Variants in TENM2 observed in about 807,000 individuals in gnomAD.
TENM2 encodes the protein teneurin transmembrane protein 2, also known as teneurin-2.
A neutral mutation model predicts 245.2 loss-of-function variants in TENM2; 52 were observed. That is an observed-to-expected ratio of 0.21 (90% CI 0.17 to 0.27). The LOEUF (loss-of-function observed/expected upper bound fraction) is 0.27, where lower values mean the gene tolerates loss of function less well. TENM2 is among the 10% of genes least tolerant of loss of function. TENM2 has a pLI of 1.00. For synonymous variants in TENM2, 1,363 were observed against 1,438.9 expected, an observed-to-expected ratio of 0.95 and a Z score of 1.19; for missense variants, 3,046 against 3,666.8, an observed-to-expected ratio of 0.83 and a Z score of 4.37.
the TENM2 span, among the ~76,000 whole-genome samples, chr5:167,135,603 C>T: frequency 3.9e-5 from 6 of 152,134 alleles, no homozygotes; most frequent in Admixed American, 1.3e-4. Context: ...CGTGAAACAC[C>T]GTCTCTACTA....
intron 19 of TENM2, among the ~76,000 whole-genome samples, chr5:168,208,457 G>C (rs1200079699): frequency 6.6e-6 from 1 of 152,226 alleles, no homozygotes; most frequent in Non-Finnish European, 1.5e-5. Context: ...ACCGGGCGGG[G>C]GGAAAGTGGG....
chr5:168,182,252 A>G (rs933079365), intron 13 of TENM2, among the ~76,000 whole-genome samples: 5 of 152,196 alleles, frequency 3.3e-5, no homozygotes, highest in Admixed American at 1.3e-4. Context: ...AATACTTTCA[A>G]TTATCCTCAC....
intron 2 of TENM2, among the ~76,000 whole-genome samples, chr5:167,740,252 G>C (rs1470919388): frequency 6.6e-6 from 1 of 152,074 alleles, no homozygotes; most frequent in Non-Finnish European, 1.5e-5. Flanking sequence ...CATTTACCCA[G>C]TCACATCGGG....
intron 12 of TENM2, among the ~76,000 whole-genome samples, chr5:168,148,873 TGATAGATAGATA>T (rs752440206): frequency 9.7e-4 from 140 of 144,030 alleles, no homozygotes; most frequent in African/African-American, 1.8e-3. Context: ...TAAATATATA[TGATAGATAGATA>T]GATAGATAGA....
chr5:168,158,829 G>GTGTATATATATATATATATATA (rs1397260649), intron 12 of TENM2, among the ~76,000 whole-genome samples: 1 of 63,738 alleles, frequency 1.6e-5, no homozygotes, highest in Non-Finnish European at 3.0e-5. Context: ...GTGTGTGTGT[G>GTGTATATATATATATATATATA]TATATATATA....
intron 2 of TENM2, among the ~76,000 whole-genome samples, chr5:167,767,941 ATTGCTGTTGACATG>A (rs1313728543): frequency 6.6e-6 from 1 of 152,192 alleles, no homozygotes; most frequent in Non-Finnish European, 1.5e-5. Flanking sequence ...TATGGGAGCT[ATTGCTGTTGACATG>A]TGAATATTTG....
At chr5:167,535,251 CT>C (rs1472880697) in intron 2 of TENM2, among the ~76,000 whole-genome samples, 1 of 151,900 alleles carries the variant, frequency 6.6e-6, no homozygotes, top group African/African-American at 2.4e-5. Context: ...GTTAGAGATA[CT>C]CAAGCTCCCC....
chr5:167,005,443 C>T, the TENM2 span, among the ~76,000 whole-genome samples: 1 of 152,088 alleles, frequency 6.6e-6, no homozygotes, highest in African/African-American at 2.4e-5. Flanking sequence ...TTTCCACCAT[C>T]TTGGACTTTC....
At chr5:167,940,889 T>C (rs1779122994) in intron 3 of TENM2, among the ~76,000 whole-genome samples, 1 of 152,198 alleles carries the variant, frequency 6.6e-6, no homozygotes, top group African/African-American at 2.4e-5. Flanking sequence ...TATCATCTTA[T>C]CGAGAAGCCT....
At chr5:168,170,679 G>A (rs1005190818) in intron 13 of TENM2, among the ~76,000 whole-genome samples, 4 of 152,120 alleles carry the variant, frequency 2.6e-5, no homozygotes, top group Admixed American at 6.5e-5. Flanking sequence ...CCTGGGTTAC[G>A]GGAACAGCCT....
chr5:167,353,491 G>T (rs56374180), intron 1 of TENM2, among the ~76,000 whole-genome samples: 22,429 of 105,414 alleles, frequency 0.21, 2,776 homozygotes, highest in Non-Finnish European at 0.29. Flanking sequence ...GTTTTTTGTT[G>T]TTGTTGTTGT....
chr5:167,196,099 C>G, the TENM2 span, among the ~76,000 whole-genome samples: 1 of 151,984 alleles, frequency 6.6e-6, no homozygotes, highest in African/African-American at 2.4e-5. Context: ...GTGCAGCCCA[C>G]TACACACGTA....
chr5:167,648,086 A>T (rs780836505), intron 2 of TENM2, among the ~76,000 whole-genome samples: 94 of 152,184 alleles, frequency 6.2e-4, no homozygotes, highest in Non-Finnish European at 1.1e-3. Context: ...AGTGGTATAG[A>T]TGAAAGCATG....
chr5:167,608,208 G>C (rs767392950), intron 2 of TENM2, among the ~76,000 whole-genome samples: 3 of 152,130 alleles, frequency 2.0e-5, no homozygotes, highest in Non-Finnish European at 4.4e-5. Context: ...AGCCCACTGG[G>C]TGCATTTGGT....
At chr5:167,238,511 T>A in the TENM2 span, among the ~76,000 whole-genome samples, 1 of 152,120 alleles carries the variant, frequency 6.6e-6, no homozygotes, top group Admixed American at 6.6e-5. Context: ...AATCAAAATA[T>A]GTGAATGACA....
chr5:167,132,290 A>G, the TENM2 span, among the ~76,000 whole-genome samples: 12 of 152,262 alleles, frequency 7.9e-5, 1 homozygote, highest in East Asian at 1.7e-3. Context: ...CCAGCATCAC[A>G]TAGACTCTCT....
intron 2 of TENM2, among the ~76,000 whole-genome samples, chr5:167,595,159 A>AGACAGCCT (rs1467510621): frequency 6.6e-6 from 1 of 152,216 alleles, no homozygotes; most frequent in Non-Finnish European, 1.5e-5. Context: ...CTGTCTCTCA[A>AGACAGCCT]GACAGCCTCT....
At chr5:168,170,108 T>G (rs536887273) in intron 13 of TENM2, among the ~76,000 whole-genome samples, 1 of 152,330 alleles carries the variant, frequency 6.6e-6, no homozygotes, top group South Asian at 2.1e-4. Context: ...CCAGTTGAAA[T>G]AAGATCTTTG....
At chr5:167,692,930 G>T (rs1757524570) in intron 2 of TENM2, among the ~76,000 whole-genome samples, 1 of 152,180 alleles carries the variant, frequency 6.6e-6, no homozygotes, top group Non-Finnish European at 1.5e-5. Flanking sequence ...AGGGCTGCCT[G>T]GTCGGCTTGA....
Sources: allele counts gnomAD v4.1 joint callset (sites outside exome capture counted in the v4.1 genomes callset), GRCh38; gene constraint gnomAD v4.1.1; transcripts MANE v1.5; gene names NCBI Gene and HGNC (gene_info 2026-07-23, HGNC 2026-07-21).